SP1: variants seen among roughly 807,000 people sequenced by gnomAD.
SP1 encodes transcription factor Sp1.
A neutral mutation model predicts 66.3 loss-of-function variants in SP1; 6 were observed. The ratio of observed to expected loss-of-function variants is 0.09; its 90% confidence interval spans 0.05 to 0.18. SP1 has a LOEUF of 0.18. Among genes scored for constraint, SP1 ranks in the 10% least tolerant of loss-of-function variants. The pLI, the probability that SP1 is intolerant of heterozygous loss-of-function variation, is 1.00. For missense variants in SP1, 848 were observed against 964.5 expected (o/e 0.88, Z 1.60); for synonymous variants, 417 against 360.8 (o/e 1.16, Z -1.77).
In SP1 at chr12:53,391,037, A is replaced by G. The variant is rs375780941; in HGVS notation, c.1675+7415A>G. Among the ~76,000 whole-genome samples the G allele has an allele frequency of 2.5e-3, 381 of 152,264 alleles. 2 individuals are homozygous for G. Among genetic ancestry groups the G allele is most frequent in the African/African-American group, 8.8e-3 (367 of 41,554 alleles). ...GATGAACATCTGTAGGAAAGTTATT[A>G]TATCATGCTTTTTAAGTTACTTTTT... On this transcript the variant is annotated intron_variant, in intron 3 of 5. Coordinates refer to ENST00000327443, the MANE Select transcript of SP1 (RefSeq NM_138473.3).
At position 53,402,794 on chromosome 12, in the gene SP1, G is replaced by A. The variant is rs558178797; in HGVS notation, c.1676-3791G>A. 8.6e-5 allele frequency among the ~76,000 whole-genome samples: 13 copies of A among 151,888 alleles called. No individual in the cohort carries two copies. The East Asian group carries it at 2.1e-3, about 25-fold the overall frequency. ...AGCCTGGCCAATATGGTGAAACCCC[G>A]TCTCTACTAAAAAAGTAAAAAATTA... On this transcript the variant is annotated intron_variant, in intron 3 of 5. Transcript: ENST00000327443.
In SP1 at chr12:53,392,387, C is replaced by T. The variant is rs1241215786; in HGVS notation, c.1675+8765C>T. Among the ~76,000 whole-genome samples the T allele has an allele frequency of 1.0e-3, 126 of 122,124 alleles. 4 individuals carry two copies. Among genetic ancestry groups the T allele is most frequent in the Non-Finnish European group, 2.3e-4 (14 of 60,342 alleles). The allele number at this position is 122,124 out of a possible 152,430, so 80.1% of individuals were successfully genotyped here. A position where few individuals can be genotyped will look rare whatever the true frequency, so the allele number is the denominator to read the frequency against. Reference sequence around the variant, plus strand: ...TTTTTTTTTTTTTGAGACGGAGTCTCGCTCTGTCGCCCAGGCTGGAGTGCA... The same window carrying T: ...TTTTTTTTTTTTTGAGACGGAGTCTTGCTCTGTCGCCCAGGCTGGAGTGCA... On this transcript the variant is annotated intron_variant, in intron 3 of 5. Transcript: ENST00000327443.
At chr12:53,394,563 G>A (rs1592563002) in intron 3 of SP1, among the ~76,000 whole-genome samples, 1 of 146,202 alleles carries the variant, frequency 6.8e-6, no homozygotes, top group African/African-American at 2.5e-5. Flanking sequence ...CCACTGTGCT[G>A]CGTGGTCTTT....
Position 53,413,922 on chromosome 12 carries a change from A to G in SP1, c.*2682A>G, listed in dbSNP as rs1252002305. On this transcript the variant is annotated 3_prime_UTR_variant, in exon 6 of 6. Coordinates refer to ENST00000327443, the MANE Select transcript of SP1 (RefSeq NM_138473.3). ...ATTACCATGAGTGAATTTATATCTAATTATTTCCACTTGCCCTGTTCTCTT... is the reference window on the plus strand; with the variant it reads ...ATTACCATGAGTGAATTTATATCTAGTTATTTCCACTTGCCCTGTTCTCTT... The G allele has an allele frequency of 1.3e-5, 2 of 152,142 alleles. No homozygotes were observed. Among genetic ancestry groups the G allele is most frequent in the Non-Finnish European group, 2.9e-5 (2 of 68,026 alleles). 9.4% of individuals were successfully genotyped at this position (152,142 alleles called of 1,614,324 possible).
intron 3 of SP1, among the ~76,000 whole-genome samples, chr12:53,405,481 A>C (rs1938711446): frequency 6.6e-6 from 1 of 152,066 alleles, no homozygotes; most frequent in African/African-American, 2.4e-5. Context: ...CAGCCTGACC[A>C]ACATGGTGAA....
intron 3 of SP1, among the ~76,000 whole-genome samples, chr12:53,394,695 A>G (rs1003511716): frequency 7.0e-6 from 1 of 142,110 alleles, no homozygotes; most frequent in Non-Finnish European, 1.5e-5. Flanking sequence ...GCTCACTGCA[A>G]GCTCCACTTC....
chr12:53,381,715 G>C lies in SP1; in HGVS notation c.64G>C (p.Gly22Arg), dbSNP rs1165394642. The C allele has an allele frequency of 1.2e-6, 2 of 1,613,952 alleles. No homozygotes were observed. Among genetic ancestry groups the C allele is most frequent in the South Asian group, 2.2e-5 (2 of 91,062 alleles). ...TGTGGTGAAAATTGAAAAAGGAGTT[G>C]GTGGCAATAATGGGGGCAATGGTAA... Reference protein sequence around the residue: ...TAVVKIEKGVGGNNGGNGNGG... With the variant: ...TAVVKIEKGVRGNNGGNGNGG... Residue 22 changes from glycine to arginine, a missense_variant, in exon 2 of 6, where the codon GGT becomes CGT. By Grantham distance (125) the Gly-to-Arg change is moderately radical. Transcript: ENST00000327443.
At chr12:53,384,160 G>A (rs376479351) in intron 3 of SP1, among the ~76,000 whole-genome samples, 2 of 151,772 alleles carry the variant, frequency 1.3e-5, no homozygotes, top group East Asian at 1.9e-4. Flanking sequence ...TAGTAGAGAC[G>A]GGGTTTCACC....
intron 3 of SP1, among the ~76,000 whole-genome samples, chr12:53,403,754 G>A (rs1398527633): frequency 6.6e-6 from 1 of 152,094 alleles, no homozygotes; most frequent in East Asian, 1.9e-4. Flanking sequence ...TTTGAGAAAG[G>A]CTAGGCAGCA....
chr12:53,381,569 T>G, intron 1 of SP1, 90 bp from the exon 2 acceptor site: 1 of 1,221,316 alleles, frequency 8.2e-7, no homozygotes, highest in Non-Finnish European at 1.1e-6. Context: ...CTGTTAGTCA[T>G]TGCTATTTCA....
At chr12:53,399,831 G>A (rs1275929425) in intron 3 of SP1, among the ~76,000 whole-genome samples, 1 of 149,122 alleles carries the variant, frequency 6.7e-6, no homozygotes, top group Non-Finnish European at 1.5e-5. Context: ...GGGTTTTTCC[G>A]TGTTGGTCAG....
intron 3 of SP1, among the ~76,000 whole-genome samples, chr12:53,395,213 G>A (rs1016316133): frequency 1.3e-5 from 2 of 151,978 alleles, no homozygotes; most frequent in African/African-American, 2.4e-5. Context: ...GGTGGTGCGC[G>A]CCTTTAATCC....
At chr12:53,399,729 C>A (rs556591815) in intron 3 of SP1, among the ~76,000 whole-genome samples, 2 of 152,012 alleles carry the variant, frequency 1.3e-5, no homozygotes, top group Admixed American at 6.6e-5. Flanking sequence ...CCTCCGCCTC[C>A]TGGGTTCAAG....
chr12:53,381,141 A>G (rs1172423548), intron 1 of SP1, among the ~76,000 whole-genome samples: 1 of 151,542 alleles, frequency 6.6e-6, no homozygotes, highest in Non-Finnish European at 1.5e-5. Context: ...TAGTAGAGAC[A>G]GGGTTTCTCC....
intron 3 of SP1, among the ~76,000 whole-genome samples, chr12:53,388,165 C>T (rs1354799108): frequency 1.3e-5 from 2 of 152,100 alleles, no homozygotes; most frequent in East Asian, 1.9e-4. Context: ...CACTTCTGGG[C>T]AACCTACACC....
In SP1 at chr12:53,411,298, G is replaced by A. The variant is rs1404624926; in HGVS notation, c.*58G>A. On this transcript the variant is annotated 3_prime_UTR_variant, in exon 6 of 6. Transcript: ENST00000327443. Reference sequence around the variant, plus strand: ...CATACCCCTTAACCCCGGGATGCAAGGTAGCATGGGTCCAAGAGACATGGA... The same window carrying A: ...CATACCCCTTAACCCCGGGATGCAAAGTAGCATGGGTCCAAGAGACATGGA... 1.5e-6 allele frequency: 2 copies of A among 1,369,282 alleles called. No homozygotes were observed. The highest frequency in any genetic ancestry group is 3.8e-5 in the Admixed American group (2 of 52,258). The allele number at this position is 1,369,282 out of a possible 1,614,324, so 84.8% of individuals were successfully genotyped here. A position where few individuals can be genotyped will look rare whatever the true frequency, so the allele number is the denominator to read the frequency against.
At chr12:53,391,575 G>A (rs1055704420) in intron 3 of SP1, among the ~76,000 whole-genome samples, 2 of 151,762 alleles carry the variant, frequency 1.3e-5, no homozygotes, top group African/African-American at 2.4e-5. Context: ...CACCCGCCTC[G>A]GCCTCCCAAA....
Position 53,383,311 on chromosome 12 carries a change from C to A in SP1, c.1364C>A (p.Thr455Lys). The change falls in exon 3 of 6, where the codon ACA becomes AAA. Residue 455 changes from threonine to lysine, a missense_variant. By Grantham distance (78) the Thr-to-Lys change is moderately conservative. Coordinates refer to ENST00000327443, the MANE Select transcript of SP1 (RefSeq NM_138473.3). Reference sequence around the variant, plus strand: ...GGTCCCATCATCATCCGGACACCAACAGTGGGGCCCAATGGACAGGTCAGT... The same window carrying A: ...GGTCCCATCATCATCCGGACACCAAAAGTGGGGCCCAATGGACAGGTCAGT... ...NSGPIIIRTP[T>K]VGPNGQVSWQ... 2 of 1,614,250 alleles carry A rather than the reference C, an allele frequency of 1.2e-6. No individual in the cohort carries two copies. The highest frequency in any genetic ancestry group is 1.7e-6 in the Non-Finnish European group (2 of 1,180,046).
chr12:53,409,275 G>C (rs1938825900), intron 4 of SP1, 87 bp from the exon 5 acceptor site: 1 of 1,080,032 alleles, frequency 9.3e-7, no homozygotes, highest in Non-Finnish European at 1.3e-6. Flanking sequence ...GGTTAGTTTG[G>C]TGTCGATTGG....
Sources: gnomAD v4.1 joint callset for allele counts (sites outside exome capture counted in the v4.1 genomes callset) on GRCh38, gnomAD v4.1.1 for gene constraint, MANE v1.5 for transcripts, NCBI Gene and HGNC (gene_info 2026-07-23, HGNC 2026-07-21) for gene names.